Variants in SCUBE2 observed in about 807,000 individuals in gnomAD.
The protein encoded by SCUBE2 is signal peptide, CUB domain and EGF like domain containing 2.
In SCUBE2, 114 loss-of-function variants were observed where a neutral mutation model predicts 125.9. That is an observed-to-expected ratio of 0.91 (90% CI 0.78 to 1.06). SCUBE2 has a LOEUF of 1.06. Among genes scored for constraint, SCUBE2 ranks in the 50% least tolerant of loss-of-function variants. SCUBE2 has a pLI of 0.00. For missense variants in SCUBE2, 1,255 were observed against 1,301.8 expected (o/e 0.96, Z 0.55); for synonymous variants, 459 against 492.9 (o/e 0.93, Z 0.91).
intron 2 of SCUBE2, among the ~76,000 whole-genome samples, chr11:9,088,218 T>C (rs1349978677): frequency 6.6e-6 from 1 of 152,246 alleles, no homozygotes; most frequent in South Asian, 2.1e-4. Context: ...GTGGGCATAG[T>C]GGCTCATGCC....
chr11:9,021,498 TG>T (rs1188397710), intron 22 of SCUBE2, among the ~76,000 whole-genome samples: 1 of 152,256 alleles, frequency 6.6e-6, no homozygotes, highest in Admixed American at 6.5e-5. Context: ...ATACCACAAG[TG>T]TTTATTGCTA....
In SCUBE2 at chr11:9,079,443, T is replaced by C; in HGVS notation, c.323A>G (p.Asn108Ser). ...CVHDCLNIPG[N>S]YRCTCFDGFM... ...GCCATCAAAACAAGTGCAACGATAA[T>C]TGCCTGGAATATTCAAACAGTCATG... is the stretch of plus-strand genomic sequence containing the variant. Residue 108 changes from asparagine to serine, a missense_variant, in exon 3 of 23, where the codon AAT (asparagine) becomes AGT (serine). Around this residue, in one of 3 missense-constraint regions of SCUBE2, gnomAD observed 362 missense variants for 323.0 expected, o/e 1.12. Transcript: ENST00000649792. 5 of 1,614,136 alleles carry C rather than the reference T, an allele frequency of 3.1e-6. No homozygotes were observed. Among genetic ancestry groups the C allele is most frequent in the Non-Finnish European group, 3.4e-6 (4 of 1,179,996 alleles).
At chr11:9,049,834 CAT>C (rs953985795) in intron 14 of SCUBE2, 2 of 152,150 alleles carry the variant, frequency 1.3e-5, no homozygotes, top group South Asian at 2.1e-4. Flanking sequence ...TCTTTGAAAA[CAT>C]AGAATTAATA....
chr11:9,027,482 G>A lies in SCUBE2; in HGVS notation c.2583C>T (p.Asn861=). The A allele has an allele frequency of 6.2e-7, 1 of 1,614,144 alleles. No individual in the cohort carries two copies. Among genetic ancestry groups the A allele is most frequent in the East Asian group, 2.2e-5 (1 of 44,872 alleles). The change falls in exon 20 of 23, where the codon AAC becomes AAT. Residue 861 remains asparagine (N), a synonymous_variant. Coordinates refer to ENST00000649792, the MANE Select transcript of SCUBE2 (RefSeq NM_001367977.2). The part of the protein sequence containing the change: ...SPNYPGNYPA[N]TECTWTINPP... ...GGTTGATGGTCCACGTACACTCGGT[G>A]TTGGCTGGGTAATTGCCTGGGTAGT...
chr11:9,025,260 A>T (rs912965158), intron 21 of SCUBE2, among the ~76,000 whole-genome samples: 1 of 152,256 alleles, frequency 6.6e-6, no homozygotes, highest in African/African-American at 2.4e-5. Context: ...AATAAAAGCC[A>T]CAATCATCAG....
intron 16 of SCUBE2, among the ~76,000 whole-genome samples, chr11:9,046,644 C>G (rs547292910): frequency 6.6e-6 from 1 of 152,130 alleles, no homozygotes; most frequent in Non-Finnish European, 1.5e-5. Context: ...TATTTTAGTA[C>G]GGAAACTGGA....
At chr11:9,030,286 T>A in intron 18 of SCUBE2, 3 of 543,398 alleles carry the variant, frequency 5.5e-6, no homozygotes, top group Non-Finnish European at 9.8e-6. Flanking sequence ...TTATGGTTCA[T>A]GCAGAGTCAG....
intron 18 of SCUBE2, 94 bp from the exon 19 acceptor site, chr11:9,030,139 T>G: frequency 1.4e-6 from 2 of 1,407,742 alleles, no homozygotes; most frequent in Non-Finnish European, 1.9e-6. Flanking sequence ...GAAAGAAATG[T>G]TTATGTGCAA....
rs1862737410 is a variant in SCUBE2 at position 9,091,482 on chromosome 11, AGCACCGCCCAGG to A, written c.35_46del (p.Ala12_Leu16delinsVal). 8.1e-7 allele frequency: 1 copy of A among 1,229,298 alleles called. No individual in the cohort carries two copies. Among genetic ancestry groups the A allele is most frequent in the African/African-American group, 1.6e-5 (1 of 62,410 alleles). 76.1% of individuals were successfully genotyped at this position (1,229,298 alleles called of 1,614,324 possible). A position where few individuals can be genotyped will look rare whatever the true frequency, so the allele number is the denominator to read the frequency against. ...TGGCGGCAGCAGCAGCAGCAGCAGC[AGCACCGCCCAGG>A]CCGCCCCGGGACGGTTGCGGCCCGC... On this transcript the variant is annotated inframe_deletion, in exon 1 of 23. Coordinates refer to ENST00000649792, the MANE Select transcript of SCUBE2 (RefSeq NM_001367977.2). The surrounding 1 kb of genome is among the most constrained non-coding windows in gnomAD (Gnocchi z 8.5).
At chr11:9,039,171 T>C (rs1856992644) in intron 16 of SCUBE2, among the ~76,000 whole-genome samples, 2 of 152,202 alleles carry the variant, frequency 1.3e-5, no homozygotes, top group Non-Finnish European at 2.9e-5. Context: ...TCCTGGCTGC[T>C]GTGTGGAGAA....
chr11:9,043,421 T>A, intron 16 of SCUBE2, among the ~76,000 whole-genome samples: 1 of 152,144 alleles, frequency 6.6e-6, no homozygotes, highest in East Asian at 1.9e-4. Flanking sequence ...CTTTATGAAG[T>A]ACTACAGAGC....
chr11:9,082,773 A>G (rs1021193106), intron 2 of SCUBE2, among the ~76,000 whole-genome samples: 3 of 152,242 alleles, frequency 2.0e-5, no homozygotes, highest in African/African-American at 7.2e-5. Context: ...AGAAAAGGCA[A>G]ATATACAGAT....
At chr11:9,032,416 A>C (rs1856387499) in intron 17 of SCUBE2, among the ~76,000 whole-genome samples, 1 of 152,160 alleles carries the variant, frequency 6.6e-6, no homozygotes, top group Admixed American at 6.5e-5. Flanking sequence ...ATGAGCCACC[A>C]TGCCTGGCCT....
chr11:9,021,892 T>C lies in SCUBE2; in HGVS notation c.2918A>G (p.His973Arg). ...GGCACTCACCTTAAGTATTTCCTGA[T>C]GGTTCTCAGATGCATAGAGCCTGCC... The part of the protein sequence containing the change: ...RDGRLYASEN[H>R]QEILKDKKLI... The change falls in exon 22 of 23, where the codon CAT becomes CGT. Residue 973 changes from histidine to arginine, a missense_variant. By Grantham distance (29) the His-to-Arg change is conservative. This residue lies in a region of SCUBE2 where 515 missense variants were observed against 515.7 expected (regional missense o/e 1.00). Coordinates refer to ENST00000649792, the MANE Select transcript of SCUBE2 (RefSeq NM_001367977.2). The C allele has an allele frequency of 6.2e-7, 1 of 1,613,636 alleles. No individual in the cohort carries two copies. The highest frequency in any genetic ancestry group is 8.5e-7 in the Non-Finnish European group (1 of 1,179,570).
chr11:9,081,768 C>A (rs1236981129), intron 2 of SCUBE2, among the ~76,000 whole-genome samples: 1 of 152,218 alleles, frequency 6.6e-6, no homozygotes, highest in African/African-American at 2.4e-5. Context: ...CACCTTTTGG[C>A]TACTGTGAAT....
Position 9,089,798 on chromosome 11 carries a change from G to C in SCUBE2, c.165C>G (p.Asp55Glu). 1.2e-6 allele frequency: 2 copies of C among 1,613,966 alleles called. No individual in the cohort carries two copies. Among genetic ancestry groups the C allele is most frequent in the Non-Finnish European group, 1.7e-6 (2 of 1,179,926 alleles). ...DVDECAQGLD[D>E]CHADALCQNT... Reference sequence around the variant, plus strand: ...TCTGACACAGGGCGTCGGCATGGCAGTCATCTAGCCCTTGGGCACACTCAT... The same window carrying C: ...TCTGACACAGGGCGTCGGCATGGCACTCATCTAGCCCTTGGGCACACTCAT... Residue 55 changes from aspartate to glutamate, a missense_variant, in exon 2 of 23, where the codon GAC (aspartate) becomes GAG (glutamate). Asp to Glu is a conservative substitution (Grantham distance 45). Transcript: ENST00000649792.
In SCUBE2 at chr11:9,034,561, A is replaced by T. The variant is rs80207158; in HGVS notation, c.2003-765T>A. On this transcript the variant is annotated intron_variant, in intron 16 of 22. Transcript: ENST00000649792. ...GAAAATGAGACCCCTTCTCTAAAAA[A>T]GAAGAAAGAAAAGAAGAGGAAGATG... Among the ~76,000 whole-genome samples the T allele has an allele frequency of 4.9e-3, 747 of 152,316 alleles. 10 individuals carry two copies. Among genetic ancestry groups the T allele is most frequent in the African/African-American group, 0.017 (717 of 41,576 alleles).
intron 14 of SCUBE2, 107 bp from the exon 15 acceptor site, chr11:9,048,205 A>C: frequency 8.1e-6 from 9 of 1,113,376 alleles, no homozygotes; most frequent in Non-Finnish European, 1.1e-5. Flanking sequence ...TCAAGGGACT[A>C]AGTGATTATC....
Position 9,053,144 on chromosome 11 carries a change from C to A in SCUBE2, c.1402G>T (p.Asp468Tyr). 1 of 1,614,230 alleles carries A rather than the reference C, an allele frequency of 6.2e-7. No individual in the cohort carries two copies. The highest frequency in any genetic ancestry group is 2.2e-5 in the East Asian group (1 of 44,884). The change falls in exon 12 of 23, where the codon GAC (aspartate) becomes TAC (tyrosine). Residue 468 changes from aspartate (D) to tyrosine (Y), a missense_variant. By Grantham distance (160) the Asp-to-Tyr change is radical. Transcript: ENST00000649792. ...SLHCGKSGGG[D>Y]GCFLRCHSGI... ...GAGTGACATCTGAGGAAGCACCCGT[C>A]TCCTCCACCACTCTTACCGCAGTGC...
Sources: gnomAD v4.1 joint callset for allele counts (sites outside exome capture counted in the v4.1 genomes callset) on GRCh38, gnomAD v4.1.1 for gene constraint, gnomAD v4.1.1 regional missense constraint, Gnocchi (gnomAD v3.1) non-coding constraint, MANE v1.5 for transcripts, NCBI Gene and HGNC (gene_info 2026-07-23, HGNC 2026-07-21) for gene names.